The following ARHGAP15 variants were observed in gnomAD, a reference collection of about 807,000 sequenced individuals.
The protein encoded by ARHGAP15 is Rho GTPase activating protein 15.
ARHGAP15 carries 51 observed loss-of-function variants against 63.7 expected under a neutral mutation model. The observed-to-expected ratio is 0.80, with a 90% CI of 0.64 to 1.01. ARHGAP15 has a LOEUF of 1.01. Ranked by LOEUF, ARHGAP15 falls within the 50% of genes least tolerant of loss-of-function variation. The pLI is 0.00. For synonymous variants in ARHGAP15, 191 were observed against 193.8 expected (o/e 0.99, Z 0.12); for missense variants, 560 against 564.6 (o/e 0.99, Z 0.08).
intron 6 of ARHGAP15, among the ~76,000 whole-genome samples, chr2:143,348,328 CTA>C (rs1164141346): frequency 6.6e-6 from 1 of 152,110 alleles, no homozygotes; most frequent in Admixed American, 6.6e-5. Flanking sequence ...CAAATGTGCG[CTA>C]TTTCTCTGAA....
chr2:143,217,100 G>T (rs923424743), intron 4 of ARHGAP15, among the ~76,000 whole-genome samples: 1 of 152,148 alleles, frequency 6.6e-6, no homozygotes, highest in Non-Finnish European at 1.5e-5. Context: ...TGGGTGATAT[G>T]CAAGTTACCA....
chr2:143,594,854 C>T (rs13415550), intron 11 of ARHGAP15, among the ~76,000 whole-genome samples: 30,414 of 152,040 alleles, frequency 0.2, 3,595 homozygotes, highest in East Asian at 0.41. Context: ...AAAGGCCTTA[C>T]ACAAATATGC....
chr2:143,316,446 C>T (rs960798727), intron 6 of ARHGAP15, among the ~76,000 whole-genome samples: 5 of 151,000 alleles, frequency 3.3e-5, no homozygotes, highest in Admixed American at 3.3e-4. Flanking sequence ...GCTAGAGTAC[C>T]CAGAAGCAAT....
At chr2:143,249,528 A>G (rs1464129209) in intron 5 of ARHGAP15, among the ~76,000 whole-genome samples, 1 of 152,186 alleles carries the variant, frequency 6.6e-6, no homozygotes, top group Non-Finnish European at 1.5e-5. Context: ...ATTCTGAAGT[A>G]TTTTATGGAC....
intron 12 of ARHGAP15, among the ~76,000 whole-genome samples, chr2:143,630,022 A>G (rs538751898): frequency 1.3e-5 from 2 of 152,300 alleles, no homozygotes; most frequent in East Asian, 3.9e-4. Flanking sequence ...TCTGTATTTT[A>G]TATCATCCTA....
intron 6 of ARHGAP15, among the ~76,000 whole-genome samples, chr2:143,270,731 T>C (rs1267358764): frequency 2.0e-5 from 3 of 152,206 alleles, no homozygotes; most frequent in African/African-American, 4.8e-5. Context: ...TCAAGTCTCC[T>C]GGTCAACTTT....
intron 13 of ARHGAP15, among the ~76,000 whole-genome samples, chr2:143,707,572 C>T (rs1327007965): frequency 6.6e-6 from 1 of 152,100 alleles, no homozygotes; most frequent in African/African-American, 2.4e-5. Flanking sequence ...TCGGAAAACC[C>T]GTATATGCAA....
intron 1 of ARHGAP15, among the ~76,000 whole-genome samples, chr2:143,147,568 C>T (rs903442921): frequency 6.6e-6 from 1 of 151,990 alleles, no homozygotes; most frequent in African/African-American, 2.4e-5. Context: ...TTACTACCTG[C>T]CTGATCATCA....
At chr2:143,515,053 G>C (rs771082665) in intron 9 of ARHGAP15, among the ~76,000 whole-genome samples, 2 of 152,118 alleles carry the variant, frequency 1.3e-5, no homozygotes, top group African/African-American at 2.4e-5. Context: ...ATTCAGAGAA[G>C]ACAAGAAGGA....
intron 6 of ARHGAP15, among the ~76,000 whole-genome samples, chr2:143,315,470 A>G (rs1031930608): frequency 5.3e-5 from 8 of 152,176 alleles, no homozygotes; most frequent in Non-Finnish European, 8.8e-5. Context: ...GCTAAACATA[A>G]GAATTGCTGG....
intron 13 of ARHGAP15, 109 bp from the exon 14 acceptor site, chr2:143,767,879 TA>T: frequency 1.0e-6 from 1 of 989,790 alleles, no homozygotes; most frequent in Non-Finnish European, 1.5e-6. Context: ...TAAATAATGT[TA>T]TAATGCAGTT....
At chr2:143,401,229 A>G (rs1157759110) in intron 6 of ARHGAP15, among the ~76,000 whole-genome samples, 3 of 152,036 alleles carry the variant, frequency 2.0e-5, no homozygotes, top group African/African-American at 7.2e-5. Flanking sequence ...GGATGAATGG[A>G]GGTAGAAATA....
chr2:143,605,733 T>A (rs1167859447), intron 11 of ARHGAP15, among the ~76,000 whole-genome samples: 3 of 150,928 alleles, frequency 2.0e-5, no homozygotes, highest in African/African-American at 7.3e-5. Context: ...AGCATTCACC[T>A]CCAGGCATGG....
chr2:143,637,090 A>G (rs1186299235), intron 12 of ARHGAP15, among the ~76,000 whole-genome samples: 1 of 136,780 alleles, frequency 7.3e-6, no homozygotes, highest in East Asian at 2.0e-4. Flanking sequence ...TCATGACCCT[A>G]TCTAAACTTT....
intron 11 of ARHGAP15, among the ~76,000 whole-genome samples, chr2:143,588,150 A>G (rs1380740475): frequency 6.6e-6 from 1 of 152,136 alleles, no homozygotes; most frequent in Non-Finnish European, 1.5e-5. Flanking sequence ...TTTGGACAGG[A>G]GCTCTGGGAA....
intron 9 of ARHGAP15, 150 bp downstream of exon 9, chr2:143,487,645 T>C: frequency 1.1e-6 from 1 of 946,414 alleles, no homozygotes; most frequent in South Asian, 2.4e-5. Flanking sequence ...AAAAGAAAAA[T>C]AATTGTCCAG....
intron 10 of ARHGAP15, among the ~76,000 whole-genome samples, chr2:143,541,688 A>G (rs923426631): frequency 6.6e-6 from 1 of 152,168 alleles, no homozygotes; most frequent in Non-Finnish European, 1.5e-5. Flanking sequence ...GCTGCAGAAC[A>G]GCGGATATTG....
At chr2:143,378,660 G>A (rs1187226011) in intron 6 of ARHGAP15, among the ~76,000 whole-genome samples, 2 of 152,030 alleles carry the variant, frequency 1.3e-5, no homozygotes, top group Non-Finnish European at 2.9e-5. Context: ...TACCAGTTCT[G>A]CTAAAAGTAG....
At position 143,619,438 on chromosome 2, in the gene ARHGAP15, T is replaced by C. The variant is rs535409168; in HGVS notation, c.1004-4695T>C. ...TGCATTGTGGAGCTTAACCTATCTTTAATTCTGTTTATAAGCTTTAAGGCA... is the reference window on the plus strand; with the variant it reads ...TGCATTGTGGAGCTTAACCTATCTTCAATTCTGTTTATAAGCTTTAAGGCA... On this transcript the variant is annotated intron_variant, in intron 11 of 13. Transcript: ENST00000295095. Among the ~76,000 whole-genome samples the C allele has an allele frequency of 2.0e-5, 3 of 152,310 alleles. No individual in the cohort carries two copies. The South Asian group carries it at 6.2e-4, about 32-fold the overall frequency.
Sources: allele counts gnomAD v4.1 joint callset (sites outside exome capture counted in the v4.1 genomes callset), GRCh38; gene constraint gnomAD v4.1.1; transcripts MANE v1.5; gene names NCBI Gene and HGNC (gene_info 2026-07-23, HGNC 2026-07-21).